USO1: variants seen among roughly 807,000 people sequenced by gnomAD.
USO1 encodes the protein USO1 vesicle transport factor, also known as general vesicular transport factor p115.
Under a neutral mutation model 124.5 loss-of-function variants are expected in USO1, and 57 were observed. That is an observed-to-expected ratio of 0.46 (90% confidence interval 0.37 to 0.57). The LOEUF is 0.57. Ranked by LOEUF, USO1 falls within the 20% of genes least tolerant of loss-of-function variation. The pLI is 0.00. For synonymous variants in USO1, 369 were observed against 362.8 expected, an observed-to-expected ratio of 1.02 and a Z score of -0.19; for missense variants, 900 against 1,040.6, an observed-to-expected ratio of 0.86 and a Z score of 1.86.
intron 13 of USO1, among the ~76,000 whole-genome samples, chr4:75,798,652 G>A (rs1354390551): frequency 6.6e-6 from 1 of 152,060 alleles, no homozygotes; most frequent in Admixed American, 6.6e-5. Context: ...TTGGCATCAA[G>A]GTTTGTGAAA....
At chr4:75,812,454 G>T in intron 23 of USO1, 79 bp downstream of exon 23, 1 of 1,492,468 alleles carries the variant, frequency 6.7e-7, no homozygotes, top group Non-Finnish European at 8.9e-7. Flanking sequence ...ATGTAACATG[G>T]AAAAGTTGTG....
chr4:75,728,639 C>T (rs1220577869), intron 1 of USO1, among the ~76,000 whole-genome samples: 1 of 151,990 alleles, frequency 6.6e-6, no homozygotes, highest in African/African-American at 2.4e-5. Context: ...GGCGAGAGAG[C>T]GAGACTGTCT....
chr4:75,801,549 T>C (rs1166241338), intron 17 of USO1, among the ~76,000 whole-genome samples: 1 of 152,212 alleles, frequency 6.6e-6, no homozygotes, highest in Non-Finnish European at 1.5e-5. Context: ...TACTCTCATT[T>C]AATTTCTTAT....
At chr4:75,748,525 A>G (rs1022793638) in intron 1 of USO1, among the ~76,000 whole-genome samples, 1 of 152,146 alleles carries the variant, frequency 6.6e-6, no homozygotes, top group Non-Finnish European at 1.5e-5. Flanking sequence ...TTCTCTACCA[A>G]CATTGAACAG....
In USO1 at chr4:75,776,208, A is replaced by T. The variant is rs531079583; in HGVS notation, c.676+1412A>T. ...AGGAACTATGGTCTCTCGAAAGTACACTGGGCTGGGAGGGTCACAGCTTCA... is the reference window on the plus strand; with the variant it reads ...AGGAACTATGGTCTCTCGAAAGTACTCTGGGCTGGGAGGGTCACAGCTTCA... On this transcript the variant is annotated intron_variant, in intron 8 of 23. Transcript: ENST00000514213. Among the ~76,000 whole-genome samples, 5 of 152,324 alleles carry T rather than the reference A, an allele frequency of 3.3e-5. No homozygotes were observed. The South Asian group carries it at 1.0e-3, about 32-fold the overall frequency.
chr4:75,752,777 C>T (rs1305480484), intron 3 of USO1, among the ~76,000 whole-genome samples, 173 bp downstream of exon 3: 1 of 152,110 alleles, frequency 6.6e-6, no homozygotes, highest in Non-Finnish European at 1.5e-5. Context: ...CTGCCCACCT[C>T]GGCCTCCCAA....
chr4:75,787,246 C>A, intron 10 of USO1, 44 bp downstream of exon 10: 1 of 1,405,084 alleles, frequency 7.1e-7, no homozygotes, highest in Non-Finnish European at 9.3e-7. Context: ...AAGTTGAAAT[C>A]CTGAATCCTA....
At chr4:75,803,366 G>T (rs964604088) in intron 17 of USO1, among the ~76,000 whole-genome samples, 2 of 151,706 alleles carry the variant, frequency 1.3e-5, no homozygotes, top group African/African-American at 4.8e-5. Flanking sequence ...ATAAAATTCT[G>T]GCCGGGCACG....
rs775864291 is a variant in USO1, at chr4:75,793,696, G to T, written c.1247G>T (p.Gly416Val). The T allele has an allele frequency of 1.9e-6, 3 of 1,605,912 alleles. No homozygotes were observed. In the Admixed American group the frequency reaches 5.1e-5, roughly 27 times the overall value. The change falls in exon 13 of 24, where the codon GGT becomes GTT. Residue 416 changes from glycine to valine, a missense_variant. Physicochemically the swap from Gly to Val is moderately radical, Grantham distance 109. Transcript: ENST00000514213. ...CTGCCTGCCATCTTTGTAGCAACAG[G>T]TAATTCAGTTTCAGCTGGCCAGTTA... ...TLLPSTIDATGNSVSAGQLLC... is the reference protein window; with the variant it reads ...TLLPSTIDATVNSVSAGQLLC...
Position 75,810,597 on chromosome 4 carries a change from AT to A in USO1, c.2583+62del, listed in dbSNP as rs552058430. On this transcript the variant is annotated intron_variant, in intron 22 of 23. Transcript: ENST00000514213. ...TATGATATGAAATGAACTCTAGGAA[AT>A]TTTATATATCTTTCAAATTCTTAGA... The A allele has an allele frequency of 1.9e-4, 279 of 1,483,644 alleles. 3 individuals carry two copies. The South Asian group carries it at 3.6e-3, about 19-fold the overall frequency. 91.9% of individuals were successfully genotyped at this position (1,483,644 alleles called of 1,614,324 possible). A position where few individuals can be genotyped will look rare whatever the true frequency, so the allele number is the denominator to read the frequency against.
Position 75,796,341 on chromosome 4 carries a change from C to CTTTTTTTTTTTTTT in USO1, c.1452+2452_1452+2453insTTTTTTTTTTTTTT, listed in dbSNP as rs533041107. ...TAATCCCAGAAAGTTCCATCATGCT[C>CTTTTTTTTTTTTTT]TTTTTTTTTTTTGAGACGGAGTCTC... On this transcript the variant is annotated intron_variant, in intron 13 of 23. Coordinates refer to ENST00000514213, the MANE Select transcript of USO1 (RefSeq NM_003715.4). Among the ~76,000 whole-genome samples the CTTTTTTTTTTTTTT allele has an allele frequency of 1.6e-3, 164 of 102,048 alleles. 29 individuals are homozygous for CTTTTTTTTTTTTTT. Among genetic ancestry groups the CTTTTTTTTTTTTTT allele is most frequent in the African/African-American group, 2.8e-3 (93 of 32,730 alleles). 66.9% of individuals were successfully genotyped at this position (102,048 alleles called of 152,430 possible).
At chr4:75,776,652 A>G (rs1722079420) in intron 8 of USO1, among the ~76,000 whole-genome samples, 1 of 152,192 alleles carries the variant, frequency 6.6e-6, no homozygotes, top group African/African-American at 2.4e-5. Flanking sequence ...TGCCAGTTGT[A>G]GTGAGGGCTT....
At chr4:75,799,908 GT>G (rs1295190658) in intron 14 of USO1, among the ~76,000 whole-genome samples, 176 bp downstream of exon 14, 8 of 150,378 alleles carry the variant, frequency 5.3e-5, no homozygotes, top group African/African-American at 2.0e-4. Flanking sequence ...TGTGTGTGTG[GT>G]TTGTTTTATG....
At chr4:75,797,844 G>C (rs141673587) in intron 13 of USO1, among the ~76,000 whole-genome samples, 1 of 152,118 alleles carries the variant, frequency 6.6e-6, no homozygotes, top group East Asian at 1.9e-4. Flanking sequence ...GTTTCACCAT[G>C]TTCGTCAGGC....
intron 4 of USO1, among the ~76,000 whole-genome samples, chr4:75,760,327 A>G (rs567095724): frequency 1.3e-5 from 2 of 152,374 alleles, no homozygotes; most frequent in East Asian, 3.9e-4. Flanking sequence ...AGCTGACACA[A>G]TGAACTACAT....
chr4:75,788,727 A>G (rs1446698127), intron 10 of USO1, among the ~76,000 whole-genome samples: 2 of 151,724 alleles, frequency 1.3e-5, no homozygotes, highest in Non-Finnish European at 2.9e-5. Context: ...TATTTTTAGT[A>G]GAGACGGGGT....
chr4:75,782,476 A>G (rs190566845), intron 8 of USO1, among the ~76,000 whole-genome samples: 2 of 152,346 alleles, frequency 1.3e-5, no homozygotes, highest in African/African-American at 4.8e-5. Flanking sequence ...GTTACTTGAC[A>G]TAGAAGTCAA....
chr4:75,744,532 G>A (rs1721065930), intron 1 of USO1, among the ~76,000 whole-genome samples: 1 of 152,158 alleles, frequency 6.6e-6, no homozygotes, highest in Non-Finnish European at 1.5e-5. Flanking sequence ...CAGTTCTCGT[G>A]CCTCAGACTC....
intron 17 of USO1, among the ~76,000 whole-genome samples, chr4:75,802,652 G>T (rs1722880792): frequency 6.6e-6 from 1 of 151,530 alleles, no homozygotes; most frequent in Non-Finnish European, 1.5e-5. Flanking sequence ...TTTGAAAAAT[G>T]GAAAGCAATA....
Sources: allele counts gnomAD v4.1 joint callset (sites outside exome capture counted in the v4.1 genomes callset), GRCh38; gene constraint gnomAD v4.1.1; transcripts MANE v1.5; gene names NCBI Gene and HGNC (gene_info 2026-07-23, HGNC 2026-07-21).